DGAT1: variants seen among roughly 807,000 people sequenced by gnomAD.
DGAT1 encodes ACAT related gene product 1.
DGAT1 carries 60 observed loss-of-function variants against 72.6 expected under a neutral mutation model. That is an observed-to-expected ratio of 0.83 (90% CI 0.67 to 1.02). The LOEUF is 1.02. Ranked by LOEUF, DGAT1 falls within the 50% of genes least tolerant of loss-of-function variation. The pLI is 0.00. For synonymous variants in DGAT1, 290 were observed against 267.5 expected (o/e 1.08, Z -0.82); for missense variants, 592 against 670.0 (o/e 0.88, Z 1.29).
At chr8:144,324,400 G>C (rs1173471893) in intron 1 of DGAT1, among the ~76,000 whole-genome samples, 1 of 152,196 alleles carries the variant, frequency 6.6e-6, no homozygotes, top group Non-Finnish European at 1.5e-5. Flanking sequence ...GCCTGACGCA[G>C]ACAGCAGGGA....
intron 2 of DGAT1, among the ~76,000 whole-genome samples, chr8:144,319,909 C>T (rs999063316): frequency 5.9e-5 from 9 of 152,298 alleles, no homozygotes; most frequent in East Asian, 5.8e-4. Context: ...GGAAAAGGGT[C>T]GCTGGCAAGG....
chr8:144,323,870 G>A (rs1320208802), intron 1 of DGAT1, among the ~76,000 whole-genome samples: 1 of 152,238 alleles, frequency 6.6e-6, no homozygotes, highest in East Asian at 1.9e-4. Flanking sequence ...ATGAGGAGGG[G>A]GCAGAGTCCA....
At chr8:144,325,446 T>C (rs1471576252) in intron 1 of DGAT1, among the ~76,000 whole-genome samples, 15 of 151,870 alleles carry the variant, frequency 9.9e-5, no homozygotes, top group Non-Finnish European at 2.1e-4. Flanking sequence ...TCTTGCTCAC[T>C]GAGAGAGCAA....
rs1935565783 is a variant in DGAT1 at position 144,315,366 on chromosome 8, A to T, written c.*1188T>A. 1.0e-6 allele frequency: 1 copy of T among 985,410 alleles called. No individual in the cohort carries two copies. Among genetic ancestry groups the T allele is most frequent in the Non-Finnish European group, 1.2e-6 (1 of 829,928 alleles). The allele number at this position is 985,410 out of a possible 1,614,324, so 61.0% of individuals were successfully genotyped here. On this transcript the variant is annotated 3_prime_UTR_variant, in exon 17 of 17. Transcript: ENST00000528718. ...GGTAGAGGGAGGATACCACCAAGGGAGCCCACCCTCCCCTCACACCACCAG... is the reference window on the plus strand; with the variant it reads ...GGTAGAGGGAGGATACCACCAAGGGTGCCCACCCTCCCCTCACACCACCAG...
rs782019712 is a variant in DGAT1, at chr8:144,317,565, G to C, written c.960C>G (p.Ile320Met). 6.2e-7 allele frequency: 1 copy of C among 1,613,856 alleles called. No homozygotes were observed. Among genetic ancestry groups the C allele is most frequent in the South Asian group, 1.1e-5 (1 of 91,078 alleles). Residue 320 changes from isoleucine to methionine, a missense_variant, in exon 12 of 17, where the codon ATC (isoleucine) becomes ATG (methionine). Transcript: ENST00000528718. ...TCACCGCCAGCTTCAGGAGGCGCTC[G>C]ATGATGCGTGAGTAGTCCATGTCCT... is the stretch of plus-strand genomic sequence containing the variant. Reference protein sequence around the residue: ...PFKDMDYSRIIERLLKLAVPN... With the variant: ...PFKDMDYSRIMERLLKLAVPN...
rs782381536 is a variant in DGAT1, at chr8:144,318,434, G to C, written c.574+27C>G. On this transcript the variant is annotated intron_variant, in intron 6 of 16. Coordinates refer to ENST00000528718, the MANE Select transcript of DGAT1 (RefSeq NM_012079.6). ...CCATGCCCGTGGCTGGCCCGAGACAGATGGGCAGGGTGGGATGGGGGCGCA... is the reference window on the plus strand; with the variant it reads ...CCATGCCCGTGGCTGGCCCGAGACACATGGGCAGGGTGGGATGGGGGCGCA... 9 of 1,605,752 alleles carry C rather than the reference G, an allele frequency of 5.6e-6. No individual in the cohort carries two copies. In the South Asian group the frequency reaches 7.7e-5, roughly 14 times the overall value.
At position 144,316,480 on chromosome 8, in the gene DGAT1, G is replaced by C; in HGVS notation, c.*74C>G. The C allele has an allele frequency of 6.7e-7, 1 of 1,489,734 alleles. No homozygotes were observed. Among genetic ancestry groups the C allele is most frequent in the Non-Finnish European group, 9.0e-7 (1 of 1,115,144 alleles). 92.3% of individuals were successfully genotyped at this position (1,489,734 alleles called of 1,614,324 possible). A position where few individuals can be genotyped will look rare whatever the true frequency, so the allele number is the denominator to read the frequency against. On this transcript the variant is annotated 3_prime_UTR_variant, in exon 17 of 17. Coordinates refer to ENST00000528718, the MANE Select transcript of DGAT1 (RefSeq NM_012079.6). ...GCAGCCAGGCCCATCCCCAGCACTC[G>C]AGGCCTAGGAGGAGAGGTGGGCTCT... is the stretch of plus-strand genomic sequence containing the variant.
At chr8:144,319,164 G>A (rs974510414) in intron 2 of DGAT1, 96 bp from the exon 3 acceptor site, 423 of 1,444,926 alleles carry the variant, frequency 2.9e-4, no homozygotes, top group Middle Eastern at 8.5e-4. Context: ...GTCCCAGCCC[G>A]AGCTCAGGGC....
chr8:144,315,640 G>A lies in DGAT1; in HGVS notation c.*914C>T, dbSNP rs1285305508. The A allele has an allele frequency of 5.1e-6, 5 of 983,634 alleles. No homozygotes were observed. Among genetic ancestry groups the A allele is most frequent in the East Asian group, 2.3e-4 (2 of 8,818 alleles). The allele number at this position is 983,634 out of a possible 1,614,324, so 60.9% of individuals were successfully genotyped here. A position where few individuals can be genotyped will look rare whatever the true frequency, so the allele number is the denominator to read the frequency against. On this transcript the variant is annotated 3_prime_UTR_variant, in exon 17 of 17. Transcript: ENST00000528718. Reference sequence around the variant, plus strand: ...CAGCTTGGTGGATTGCAGGGCCTGGGAACAAGGTGTCCTGAAGGCTGCAGG... The same window carrying A: ...CAGCTTGGTGGATTGCAGGGCCTGGAAACAAGGTGTCCTGAAGGCTGCAGG...
rs1817134126 is a variant in DGAT1, at chr8:144,314,898, A to G, written c.*1656T>C. On this transcript the variant is annotated 3_prime_UTR_variant, in exon 17 of 17. Transcript: ENST00000528718. ...GACCAGCATGTGCTTGCAGTTCTTT[A>G]TTGAGGGACCAGGGGTGGGCGCCTC... 1.0e-6 allele frequency: 1 copy of G among 986,836 alleles called. No individual in the cohort carries two copies. The highest frequency in any genetic ancestry group is 6.0e-5 in the Admixed American group (1 of 16,706). 61.1% of individuals were successfully genotyped at this position (986,836 alleles called of 1,614,324 possible). A position where few individuals can be genotyped will look rare whatever the true frequency, so the allele number is the denominator to read the frequency against.
rs1588676543 is a variant in DGAT1, at chr8:144,314,667, C to T, written c.*1887G>A. The T allele has an allele frequency of 1.5e-5, 5 of 333,694 alleles. No homozygotes were observed. In the East Asian group the frequency reaches 2.8e-4, roughly 18 times the overall value. The allele number at this position is 333,694 out of a possible 1,614,324, so 20.7% of individuals were successfully genotyped here. A position where few individuals can be genotyped will look rare whatever the true frequency, so the allele number is the denominator to read the frequency against. On this transcript the variant is annotated 3_prime_UTR_variant, in exon 17 of 17. Transcript: ENST00000528718. Reference sequence around the variant, plus strand: ...ACAGAGATACACAGATATATACACACAGTGGATGGACGGACAAGACAGGCA... The same window carrying T: ...ACAGAGATACACAGATATATACACATAGTGGATGGACGGACAAGACAGGCA...
At chr8:144,325,205 C>T (rs1373278113) in intron 1 of DGAT1, among the ~76,000 whole-genome samples, 2 of 152,094 alleles carry the variant, frequency 1.3e-5, no homozygotes, top group Non-Finnish European at 2.9e-5. Flanking sequence ...GGCCAGCCTC[C>T]CTCACCAGCA....
intron 1 of DGAT1, among the ~76,000 whole-genome samples, chr8:144,323,312 G>T (rs1401451541): frequency 6.6e-6 from 1 of 152,098 alleles, no homozygotes; most frequent in African/African-American, 2.4e-5. Context: ...TTTCTCAGGG[G>T]CCCCTTGACA....
At chr8:144,320,256 C>T (rs1289119795) in intron 2 of DGAT1, among the ~76,000 whole-genome samples, 1 of 152,204 alleles carries the variant, frequency 6.6e-6, no homozygotes, top group Non-Finnish European at 1.5e-5. Context: ...CAGGCAGGCC[C>T]AAGGGGTTGG....
chr8:144,317,991 T>TG lies in DGAT1; in HGVS notation c.777dup (p.Thr260HisfsTer25), dbSNP rs1300295419. ...GGAAAGTTGAGCTCGTAGCACAAGG[T>TG]GGGGGCGAAGAGGAAGTAGTAGAGA... On this transcript the variant is annotated frameshift_variant, in exon 9 of 17. Coordinates refer to ENST00000528718, the MANE Select transcript of DGAT1 (RefSeq NM_012079.6). LOFTEE classifies it high-confidence loss of function. The TG allele has an allele frequency of 6.6e-7, 1 of 1,518,490 alleles. No individual in the cohort carries two copies. Among genetic ancestry groups the TG allele is most frequent in the African/African-American group, 1.4e-5 (1 of 71,544 alleles). 94.1% of individuals were successfully genotyped at this position (1,518,490 alleles called of 1,614,324 possible).
Position 144,321,302 on chromosome 8 carries a change from G to GACACA in DGAT1, c.288+18_288+19insTGTGT. 1 of 1,612,422 alleles carries GACACA rather than the reference G, an allele frequency of 6.2e-7. No homozygotes were observed. Among genetic ancestry groups the GACACA allele is most frequent in the Non-Finnish European group, 8.5e-7 (1 of 1,178,750 alleles). ...CCCACCTGGACCTAGACCCGCTCCC[G>GACACA]ACACCATGTCCCACTCACCAGCATC... is the stretch of plus-strand genomic sequence containing the variant. On this transcript the variant is annotated intron_variant, in intron 2 of 16. Coordinates refer to ENST00000528718, the MANE Select transcript of DGAT1 (RefSeq NM_012079.6).
Position 144,316,364 on chromosome 8 carries a change from G to A in DGAT1, c.*190C>T, listed in dbSNP as rs921983572. 1.7e-5 allele frequency: 12 copies of A among 719,688 alleles called. No homozygotes were observed. Among genetic ancestry groups the A allele is most frequent in the South Asian group, 8.0e-5 (4 of 49,796 alleles). 44.6% of individuals were successfully genotyped at this position (719,688 alleles called of 1,614,324 possible). A position where few individuals can be genotyped will look rare whatever the true frequency, so the allele number is the denominator to read the frequency against. On this transcript the variant is annotated 3_prime_UTR_variant, in exon 17 of 17. Transcript: ENST00000528718. The stretch of plus-strand genomic sequence containing the variant: ...CAAGACTCCCAGCTGGCATCAGACT[G>A]TGTCTGGCCTGCTGTCGCCATCCCT...
intron 1 of DGAT1, among the ~76,000 whole-genome samples, chr8:144,325,376 C>T (rs973221754): frequency 2.0e-5 from 3 of 152,240 alleles, no homozygotes; most frequent in Non-Finnish European, 1.5e-5. Flanking sequence ...CTGAGGGCCA[C>T]GACAGTGCCT....
rs1554847656 is a variant in DGAT1, at chr8:144,318,554, C to G, written c.481G>C (p.Glu161Gln). The change falls in exon 6 of 17, where the codon GAG becomes CAG. Residue 161 changes from glutamate to glutamine, a missense_variant. Glu to Gln is a conservative substitution (Grantham distance 29). Coordinates refer to ENST00000528718, the MANE Select transcript of DGAT1 (RefSeq NM_012079.6). ...EKRLAVGALTEQAGLLLHVAN... is the reference protein window; with the variant it reads ...EKRLAVGALTQQAGLLLHVAN... ...ACGTGCAGCAGCAGTCCCGCCTGCT[C>G]CGTCAGGGCACCCTGGAGTGGGGAG... The G allele has an allele frequency of 1.9e-6, 3 of 1,612,046 alleles. No individual in the cohort carries two copies. In the Admixed American group the frequency reaches 5.0e-5, roughly 27 times the overall value.
Sources: gnomAD v4.1 joint callset for allele counts (sites outside exome capture counted in the v4.1 genomes callset) on GRCh38, gnomAD v4.1.1 for gene constraint, MANE v1.5 for transcripts, NCBI Gene and HGNC (gene_info 2026-07-23, HGNC 2026-07-21) for gene names.